Variants in UNC5C observed in about 807,000 individuals in gnomAD.
UNC5C encodes unc-5 netrin receptor C.
In UNC5C, 47 loss-of-function variants were observed where a neutral mutation model predicts 99.8. The ratio of observed to expected loss-of-function variants is 0.47; its 90% CI spans 0.37 to 0.60. The LOEUF is 0.60. UNC5C is among the 20% of genes least tolerant of loss of function. The probability of loss-of-function intolerance (pLI) is 0.00; values close to 1 mark genes in which losing one functional copy is unlikely to be tolerated. For synonymous variants in UNC5C, 487 were observed against 452.2 expected, an observed-to-expected ratio of 1.08 and a Z score of -0.98; for missense variants, 1,062 against 1,165.9, an observed-to-expected ratio of 0.91 and a Z score of 1.30.
intron 3 of UNC5C, among the ~76,000 whole-genome samples, chr4:95,283,855 A>T (rs1741143820): frequency 6.6e-6 from 1 of 152,250 alleles, no homozygotes; most frequent in South Asian, 2.1e-4. Flanking sequence ...TTGCAAAGTC[A>T]ACTTGGCATG....
rs376712827 is a variant in UNC5C, at chr4:95,278,370, G to A, written c.491-8C>T. ...CAAATGTCTTCCGTAGATCTGGAAC[G>A]TAAAAGTGACAAAATACATGTCAAA... is the stretch of plus-strand genomic sequence containing the variant. On this transcript the variant is annotated splice_polypyrimidine_tract_variant and splice_region_variant and intron_variant, in intron 3 of 15. Transcript: ENST00000453304. The A allele has an allele frequency of 1.4e-5, 22 of 1,605,336 alleles. No individual in the cohort carries two copies. The highest frequency in any genetic ancestry group is 1.6e-4 in the Middle Eastern group (1 of 6,064).
chr4:95,376,547 ACT>A (rs946519416), intron 1 of UNC5C, among the ~76,000 whole-genome samples: 35 of 152,216 alleles, frequency 2.3e-4, no homozygotes, highest in African/African-American at 8.2e-4. Context: ...AGTTTAAATA[ACT>A]CTTTCCAAGT....
At chr4:95,254,951 C>G (rs761353526) in intron 4 of UNC5C, among the ~76,000 whole-genome samples, 1 of 151,730 alleles carries the variant, frequency 6.6e-6, no homozygotes, top group Non-Finnish European at 1.5e-5. Flanking sequence ...TCAAGATATT[C>G]ACTTGGCCAC....
intron 2 of UNC5C, among the ~76,000 whole-genome samples, chr4:95,332,400 C>A (rs1743150141): frequency 6.7e-6 from 1 of 148,644 alleles, no homozygotes; most frequent in Non-Finnish European, 1.5e-5. Context: ...AGAACAGAGC[C>A]CTCAGAAATA....
intron 1 of UNC5C, among the ~76,000 whole-genome samples, chr4:95,404,564 C>T (rs945105116): frequency 1.3e-5 from 2 of 152,090 alleles, no homozygotes; most frequent in African/African-American, 4.8e-5. Context: ...CTTGTTTTCT[C>T]ATTTATTAAA....
intron 1 of UNC5C, among the ~76,000 whole-genome samples, chr4:95,354,482 T>TTTTA (rs1744107201): frequency 7.5e-6 from 1 of 133,794 alleles, no homozygotes; most frequent in Non-Finnish European, 1.6e-5. Flanking sequence ...TATATATATT[T>TTTTA]TTTTTTTTTT....
intron 1 of UNC5C, among the ~76,000 whole-genome samples, chr4:95,418,178 A>C (rs919897732): frequency 6.6e-6 from 1 of 152,182 alleles, no homozygotes; most frequent in Admixed American, 6.5e-5. Context: ...AGCAGTGAGG[A>C]CCTAACCTCC....
intron 3 of UNC5C, among the ~76,000 whole-genome samples, chr4:95,283,241 G>A (rs976257588): frequency 2.0e-5 from 3 of 152,074 alleles, no homozygotes; most frequent in Non-Finnish European, 4.4e-5. Context: ...TGAGAATGGC[G>A]ACAGCTACAG....
intron 1 of UNC5C, among the ~76,000 whole-genome samples, chr4:95,545,628 G>A (rs1027734661): frequency 2.0e-5 from 3 of 152,048 alleles, no homozygotes; most frequent in African/African-American, 7.2e-5. Context: ...TTTTTGTCCT[G>A]AGTTTGGTGG....
chr4:95,487,949 C>T (rs181637690), intron 1 of UNC5C, among the ~76,000 whole-genome samples: 2 of 151,848 alleles, frequency 1.3e-5, no homozygotes, highest in Admixed American at 1.3e-4. Flanking sequence ...AGACTGTTTA[C>T]AAGAAGGTTG....
At position 95,191,052 on chromosome 4, in the gene UNC5C, C is replaced by T. The variant is rs374632752; in HGVS notation, c.2137-5856G>A. 4.7e-4 allele frequency among the ~76,000 whole-genome samples: 72 copies of T among 152,164 alleles called. 1 individual carries two copies. Among genetic ancestry groups the T allele is most frequent in the African/African-American group, 1.7e-3 (72 of 41,444 alleles). On this transcript the variant is annotated intron_variant, in intron 12 of 15. Coordinates refer to ENST00000453304, the MANE Select transcript of UNC5C (RefSeq NM_003728.4). ...AAGGCTTGTGTGCACAAAGGAGGCA[C>T]CTCTGGCCTCTACCCAGAATGCTCC... is the stretch of plus-strand genomic sequence containing the variant.
chr4:95,368,846 G>A (rs547158415), intron 1 of UNC5C, among the ~76,000 whole-genome samples: 1 of 152,038 alleles, frequency 6.6e-6, no homozygotes, highest in Non-Finnish European at 1.5e-5. Flanking sequence ...TTTTATTGAG[G>A]ATATATTTTA....
chr4:95,332,919 C>G (rs1035041615), intron 2 of UNC5C, among the ~76,000 whole-genome samples: 2 of 152,116 alleles, frequency 1.3e-5, no homozygotes, highest in Non-Finnish European at 2.9e-5. Flanking sequence ...AGGACATGAA[C>G]AGACACCTCT....
intron 1 of UNC5C, among the ~76,000 whole-genome samples, chr4:95,354,485 T>A (rs373347215): frequency 0.22 from 20,267 of 93,332 alleles, 2,271 homozygotes; most frequent in African/African-American, 0.46. Context: ...ATATATTTTT[T>A]TTTTTTTTTT....
chr4:95,516,472 G>A (rs1298496733), intron 1 of UNC5C, among the ~76,000 whole-genome samples: 1 of 152,192 alleles, frequency 6.6e-6, no homozygotes, highest in East Asian at 1.9e-4. Flanking sequence ...GAAACTGCTC[G>A]AAGCTGGGCT....
In UNC5C at chr4:95,413,733, C is replaced by T. The variant is rs939043321; in HGVS notation, c.125-78102G>A. 1.8e-4 allele frequency among the ~76,000 whole-genome samples: 27 copies of T among 152,156 alleles called. No individual in the cohort carries two copies. The East Asian group carries it at 1.9e-3, about 11-fold the overall frequency. ...TCTCAACTAGTTGAAACCATTTCCGCGTAGCCTATTTGCAAGTCCCTGCAA... is the reference window on the plus strand; with the variant it reads ...TCTCAACTAGTTGAAACCATTTCCGTGTAGCCTATTTGCAAGTCCCTGCAA... On this transcript the variant is annotated intron_variant, in intron 1 of 15. Coordinates refer to ENST00000453304, the MANE Select transcript of UNC5C (RefSeq NM_003728.4).
chr4:95,180,828 G>A (rs1278705134), intron 14 of UNC5C, among the ~76,000 whole-genome samples: 1 of 152,184 alleles, frequency 6.6e-6, no homozygotes, highest in Non-Finnish European at 1.5e-5. Context: ...TTGCCATCTT[G>A]CCCTGTGACC....
intron 14 of UNC5C, among the ~76,000 whole-genome samples, chr4:95,171,797 C>A (rs1171756571): frequency 6.6e-6 from 1 of 151,772 alleles, no homozygotes; most frequent in Non-Finnish European, 1.5e-5. Flanking sequence ...AGTTCTAGAT[C>A]CCTGAGGAGT....
chr4:95,473,946 C>T (rs1473535308), intron 1 of UNC5C, among the ~76,000 whole-genome samples: 1 of 152,092 alleles, frequency 6.6e-6, no homozygotes, highest in Admixed American at 6.5e-5. Flanking sequence ...GGCCTTCTAA[C>T]ATTGGTAAGC....
Sources: allele counts gnomAD v4.1 joint callset (sites outside exome capture counted in the v4.1 genomes callset), GRCh38; gene constraint gnomAD v4.1.1; transcripts MANE v1.5; gene names NCBI Gene and HGNC (gene_info 2026-07-23, HGNC 2026-07-21).